TFEB: variants seen among roughly 807,000 people sequenced by gnomAD.
TFEB encodes transcription factor EB, also known as T-cell transcription factor EB.
In TFEB, 12 loss-of-function variants were observed where a neutral mutation model predicts 48.0. The observed-to-expected ratio is 0.25, with a 90% confidence interval of 0.16 to 0.40. The LOEUF (loss-of-function observed/expected upper bound fraction) is 0.40, where lower values mean the gene tolerates loss of function less well. Ranked by LOEUF, TFEB falls within the 10% of genes least tolerant of loss-of-function variation. The probability of loss-of-function intolerance (pLI) is 1.00; values close to 1 mark genes in which losing one functional copy is unlikely to be tolerated. For missense variants in TFEB, 509 were observed against 640.3 expected (o/e 0.79, Z 2.21); for synonymous variants, 244 against 261.4 (o/e 0.93, Z 0.64).
Position 41,689,783 on chromosome 6 carries a change from C to T in TFEB, c.497G>A (p.Arg166His), listed in dbSNP as rs376705826. ...GATGTAGCCAAGGACATCGTCCAGACGCATAATGTTGTCAATGACATCATC... is the reference window on the plus strand; with the variant it reads ...GATGTAGCCAAGGACATCGTCCAGATGCATAATGTTGTCAATGACATCATC... ...ELDDVIDNIM[R>H]LDDVLGYINP... The change falls in exon 4 of 9, where the codon CGT becomes CAT. Residue 166 changes from arginine to histidine, a missense_variant. This residue lies in a region of TFEB where 251 missense variants were observed against 317.2 expected (regional missense o/e 0.79). Coordinates refer to ENST00000373033, the MANE Select transcript of TFEB (RefSeq NM_001271944.2). 42 of 1,613,864 alleles carry T rather than the reference C, an allele frequency of 2.6e-5. No homozygotes were observed. The highest frequency in any genetic ancestry group is 1.2e-4 in the Admixed American group (7 of 59,984).
At position 41,735,531 on chromosome 6, in the gene TFEB, C is replaced by T; in HGVS notation, c.-204G>A. The stretch of plus-strand genomic sequence containing the variant: ...GCCGCCGTCGGCGCCGCGGCCGCTC[C>T]CTGCGTCCCGCCCGGGCCGCCGCCT... On this transcript the variant is annotated 5_prime_UTR_variant, in exon 1 of 9. Transcript: ENST00000373033. 1 of 984,816 alleles carries T rather than the reference C, an allele frequency of 1.0e-6. No homozygotes were observed. Among genetic ancestry groups the T allele is most frequent in the Non-Finnish European group, 1.2e-6 (1 of 829,842 alleles). 61.0% of individuals were successfully genotyped at this position (984,816 alleles called of 1,614,324 possible). A position where few individuals can be genotyped will look rare whatever the true frequency, so the allele number is the denominator to read the frequency against.
upstream of TFEB, chr6:41,736,167 T>A (rs748519232): frequency 4.3e-6 from 7 of 1,612,824 alleles, no homozygotes; most frequent in African/African-American, 9.3e-5. Flanking sequence ...TGCTGTCATG[T>A]TGCTGGACAG....
intron 1 of TFEB, among the ~76,000 whole-genome samples, chr6:41,701,409 T>A (rs1430439103): frequency 6.6e-6 from 1 of 152,190 alleles, no homozygotes; most frequent in African/African-American, 2.4e-5. Flanking sequence ...TTCAGAGAAA[T>A]CACTTTTCTT....
rs1771135045 is a variant in TFEB, at chr6:41,724,757, C to T, written c.-23+10593G>A. Among the ~76,000 whole-genome samples, 1 of 152,196 alleles carries T rather than the reference C, an allele frequency of 6.6e-6. No homozygotes were observed. Among genetic ancestry groups the T allele is most frequent in the African/African-American group, 2.4e-5 (1 of 41,444 alleles). ...GTTTTTGTCCTGGGCCCCAAGGCTC[C>T]CAGAGAACCCCTCATTTCTGCAGCC... is the stretch of plus-strand genomic sequence containing the variant. On this transcript the variant is annotated intron_variant, in intron 1 of 8. Coordinates refer to ENST00000373033, the MANE Select transcript of TFEB (RefSeq NM_001271944.2). The surrounding 1 kb of genome is among the most constrained non-coding windows in gnomAD (Gnocchi z 4.4).
chr6:41,691,358 TGA>T lies in TFEB; in HGVS notation c.-22-125_-22-124del. On this transcript the variant is annotated intron_variant, in intron 1 of 8. Transcript: ENST00000373033. This position sits in a 1 kb window ranked among gnomAD's most constrained non-coding sequence, Gnocchi z 5.2. The stretch of plus-strand genomic sequence containing the variant: ...TTTTAGAGGAGAAGACACCGAGCCC[TGA>T]GAGGGGAAGAGATTTGCCCAAGGTC... 2.0e-6 allele frequency: 2 copies of T among 1,013,320 alleles called. No individual in the cohort carries two copies. 62.8% of individuals were successfully genotyped at this position (1,013,320 alleles called of 1,614,324 possible). A position where few individuals can be genotyped will look rare whatever the true frequency, so the allele number is the denominator to read the frequency against.
At position 41,735,476 on chromosome 6, in the gene TFEB, C is replaced by T; in HGVS notation, c.-149G>A. ...CCCGGCCTGCTCCGGCCCCGTGCCA[C>T]CAGGGAGGCCCGCCCCGTCCGCCCT... On this transcript the variant is annotated 5_prime_UTR_variant, in exon 1 of 9. The change creates a new upstream start codon in the 5' untranslated region. Coordinates refer to ENST00000373033, the MANE Select transcript of TFEB (RefSeq NM_001271944.2). 1 of 984,708 alleles carries T rather than the reference C, an allele frequency of 1.0e-6. No homozygotes were observed. Among genetic ancestry groups the T allele is most frequent in the Non-Finnish European group, 1.2e-6 (1 of 829,706 alleles). The allele number at this position is 984,708 out of a possible 1,614,324, so 61.0% of individuals were successfully genotyped here.
At chr6:41,685,341 G>A (rs1581867531) in intron 8 of TFEB, among the ~76,000 whole-genome samples, 2 of 152,228 alleles carry the variant, frequency 1.3e-5, no homozygotes, top group East Asian at 1.9e-4. Context: ...AAATTGACTT[G>A]TCTAGACTAG....
intron 1 of TFEB, among the ~76,000 whole-genome samples, chr6:41,693,418 A>T (rs1168002440): frequency 6.6e-6 from 1 of 152,110 alleles, no homozygotes; most frequent in Admixed American, 6.5e-5. Context: ...AGCACAGGAG[A>T]TTAAGTGTCT....
intron 1 of TFEB, among the ~76,000 whole-genome samples, chr6:41,726,818 T>C (rs189401367): frequency 6.2e-4 from 94 of 152,342 alleles, no homozygotes; most frequent in African/African-American, 2.2e-3. Context: ...TATTTCACAA[T>C]TTTAAAAGAA....
chr6:41,701,957 A>AAAAG (rs1251236563), intron 1 of TFEB, among the ~76,000 whole-genome samples: 22 of 151,928 alleles, frequency 1.4e-4, no homozygotes, highest in African/African-American at 2.7e-4. Context: ...AAAAAAAAAA[A>AAAAG]AAAGAAAGAT....
intron 1 of TFEB, among the ~76,000 whole-genome samples, chr6:41,716,268 C>T (rs150256059): frequency 6.6e-6 from 1 of 152,204 alleles, no homozygotes; most frequent in Non-Finnish European, 1.5e-5. Flanking sequence ...CAGTCTCACC[C>T]CAGTGGTACA....
chr6:41,723,456 C>T lies in TFEB; in HGVS notation c.-23+11894G>A, dbSNP rs749020420. 3 of 1,287,260 alleles carry T rather than the reference C, an allele frequency of 2.3e-6. No homozygotes were observed. Among genetic ancestry groups the T allele is most frequent in the Middle Eastern group, 2.2e-4 (1 of 4,540 alleles). The allele number at this position is 1,287,260 out of a possible 1,614,324, so 79.7% of individuals were successfully genotyped here. A position where few individuals can be genotyped will look rare whatever the true frequency, so the allele number is the denominator to read the frequency against. On this transcript the variant is annotated intron_variant, in intron 1 of 8. Coordinates refer to ENST00000373033, the MANE Select transcript of TFEB (RefSeq NM_001271944.2). The surrounding 1 kb of genome is among the most constrained non-coding windows in gnomAD (Gnocchi z 6.0). The stretch of plus-strand genomic sequence containing the variant: ...TCACACACATGCACGCGTGTGCTCT[C>T]ATACCTTCGAGAGGGCAGCCCCCTG...
rs1484707824 is a variant in TFEB, at chr6:41,691,292, G to A, written c.-22-57C>T. 1 of 1,509,974 alleles carries A rather than the reference G, an allele frequency of 6.6e-7. No homozygotes were observed. Among genetic ancestry groups the A allele is most frequent in the African/African-American group, 1.4e-5 (1 of 72,304 alleles). 93.5% of individuals were successfully genotyped at this position (1,509,974 alleles called of 1,614,324 possible). On this transcript the variant is annotated intron_variant, in intron 1 of 8. Transcript: ENST00000373033. The surrounding 1 kb of genome is among the most constrained non-coding windows in gnomAD (Gnocchi z 5.2). ...GGCACGTGTCCTCCTCAAAGCACAGGGGCTGGCAGGGGGAGGCCAGAATGA... is the reference window on the plus strand; with the variant it reads ...GGCACGTGTCCTCCTCAAAGCACAGAGGCTGGCAGGGGGAGGCCAGAATGA...
chr6:41,721,425 A>G (rs1339802026), intron 1 of TFEB, among the ~76,000 whole-genome samples: 1 of 151,856 alleles, frequency 6.6e-6, no homozygotes, highest in African/African-American at 2.4e-5. Context: ...CTACACAACA[A>G]TGCTTACTGA....
intron 7 of TFEB, 100 bp from the exon 8 acceptor site, chr6:41,686,337 C>T (rs1481001693): frequency 1.3e-6 from 2 of 1,497,708 alleles, no homozygotes; most frequent in Non-Finnish European, 1.8e-6. Flanking sequence ...CTGTCCCAGT[C>T]TTACCCAGCA....
intron 1 of TFEB, among the ~76,000 whole-genome samples, chr6:41,705,384 AG>A (rs1410965842): frequency 6.6e-6 from 1 of 152,120 alleles, no homozygotes; most frequent in Non-Finnish European, 1.5e-5. Context: ...CCTCTCCCCC[AG>A]TATACCACCA....
intron 1 of TFEB, among the ~76,000 whole-genome samples, chr6:41,712,993 G>C (rs554832153): frequency 1.9e-4 from 29 of 152,330 alleles, no homozygotes; most frequent in Non-Finnish European, 3.7e-4. Flanking sequence ...GCTCGCTTGC[G>C]AGGCATTTTG....
At chr6:41,733,594 C>G (rs1264055185) in intron 1 of TFEB, 2 of 985,032 alleles carry the variant, frequency 2.0e-6, no homozygotes, top group Non-Finnish European at 2.4e-6. Context: ...AGGAGGCAGA[C>G]GGAGAGAAGG....
intron 4 of TFEB, 67 bp from the exon 5 acceptor site, chr6:41,688,095 C>A: frequency 1.3e-6 from 2 of 1,553,120 alleles, no homozygotes; most frequent in Non-Finnish European, 8.7e-7. Context: ...CCTCTAGGGC[C>A]TATCATCCCA....
Sources: allele counts gnomAD v4.1 joint callset (sites outside exome capture counted in the v4.1 genomes callset), GRCh38; gene constraint gnomAD v4.1.1; regional missense constraint gnomAD v4.1.1; non-coding constraint Gnocchi (gnomAD v3.1); transcripts MANE v1.5; gene names NCBI Gene and HGNC (gene_info 2026-07-23, HGNC 2026-07-21).